Variants in RASGRP3 observed in about 807,000 individuals in gnomAD.
The protein encoded by RASGRP3 is RAS guanyl releasing protein 3, also known as ras guanyl-releasing protein 3.
Under a neutral mutation model 82.7 loss-of-function variants are expected in RASGRP3, and 54 were observed. The observed-to-expected ratio is 0.65, with a 90% CI of 0.52 to 0.82. RASGRP3 has a LOEUF of 0.82. Among genes scored for constraint, RASGRP3 ranks in the 40% least tolerant of loss-of-function variants. RASGRP3 has a pLI of 0.00. For missense variants in RASGRP3, 861 were observed against 828.9 expected, an observed-to-expected ratio of 1.04 and a Z score of -0.48; for synonymous variants, 309 against 300.5, an observed-to-expected ratio of 1.03 and a Z score of -0.29.
intron 1 of RASGRP3, among the ~76,000 whole-genome samples, chr2:33,500,927 C>G (rs567953382): frequency 6.6e-6 from 1 of 152,024 alleles, no homozygotes; most frequent in Admixed American, 6.5e-5. Context: ...AGCAAGACTC[C>G]GTCTCAAAAA....
chr2:33,449,082 C>A (rs184509080), intron 2 of RASGRP3, among the ~76,000 whole-genome samples: 1 of 152,278 alleles, frequency 6.6e-6, no homozygotes, highest in Admixed American at 6.5e-5. Context: ...TGATTACTCT[C>A]TGTTTGGGGC....
intron 13 of RASGRP3, among the ~76,000 whole-genome samples, chr2:33,547,670 G>GC (rs1674932528): frequency 6.6e-6 from 1 of 152,140 alleles, no homozygotes; most frequent in Non-Finnish European, 1.5e-5. Flanking sequence ...TAAGTCTTCA[G>GC]CCCCACTGTA....
intron 5 of RASGRP3, 54 bp from the exon 6 acceptor site, chr2:33,520,499 A>G: frequency 6.2e-7 from 1 of 1,605,728 alleles, no homozygotes; most frequent in Non-Finnish European, 8.5e-7. Context: ...AATCGTTTCC[A>G]TAGATAACCA....
chr2:33,465,965 T>C lies in RASGRP3; in HGVS notation c.-261+18022T>C, dbSNP rs377214074. ...TTTTAACCCCACTGTTGAGACTTAC[T>C]GCTCAAAAAAAAAAAAAAAAAGGAA... On this transcript the variant is annotated intron_variant, in intron 2 of 18. Transcript: ENST00000402538. 6.1e-4 allele frequency among the ~76,000 whole-genome samples: 58 copies of C among 94,340 alleles called. No individual in the cohort carries two copies. The South Asian group carries it at 8.0e-3, about 13-fold the overall frequency. The allele number at this position is 94,340 out of a possible 152,430, so 61.9% of individuals were successfully genotyped here.
At chr2:33,438,627 T>C (rs775624755) in intron 1 of RASGRP3, among the ~76,000 whole-genome samples, 29 of 152,130 alleles carry the variant, frequency 1.9e-4, no homozygotes, top group Admixed American at 1.2e-3. Flanking sequence ...TCTTAGAAAT[T>C]GCTTAATAGT....
intron 1 of RASGRP3, among the ~76,000 whole-genome samples, chr2:33,506,935 A>G (rs1054949636): frequency 2.6e-5 from 4 of 152,234 alleles, no homozygotes; most frequent in Non-Finnish European, 5.9e-5. Context: ...CAAGTTTGAC[A>G]GTGATGACAG....
At chr2:33,558,407 G>C in intron 16 of RASGRP3, 71 bp downstream of exon 16, 2 of 1,606,704 alleles carry the variant, frequency 1.2e-6, no homozygotes, top group Non-Finnish European at 1.7e-6. Context: ...ACCTCATTTA[G>C]GTTCTGGGTC....
intron 15 of RASGRP3, among the ~76,000 whole-genome samples, chr2:33,557,924 G>A (rs187883960): frequency 1.3e-5 from 2 of 152,214 alleles, no homozygotes; most frequent in Admixed American, 1.3e-4. Context: ...TGACCTCTCA[G>A]GCTGGACTCT....
chr2:33,490,191 A>G (rs978720529), intron 1 of RASGRP3, among the ~76,000 whole-genome samples: 1 of 151,978 alleles, frequency 6.6e-6, no homozygotes, highest in African/African-American at 2.4e-5. Context: ...TTCCTCTACT[A>G]TGTTCTCCTC....
intron 1 of RASGRP3, among the ~76,000 whole-genome samples, chr2:33,443,218 A>G (rs1275761517): frequency 6.6e-6 from 1 of 152,190 alleles, no homozygotes; most frequent in Non-Finnish European, 1.5e-5. Context: ...TTTAATAGCA[A>G]TGGGCAGGAG....
At chr2:33,443,475 C>A (rs1038428029) in intron 1 of RASGRP3, among the ~76,000 whole-genome samples, 1 of 152,136 alleles carries the variant, frequency 6.6e-6, no homozygotes, top group Admixed American at 6.5e-5. Flanking sequence ...TGGGCTGTTA[C>A]ATCACTCCAA....
At position 33,534,316 on chromosome 2, in the gene RASGRP3, GT is replaced by G; in HGVS notation, c.1084-5del. On this transcript the variant is annotated splice_region_variant and splice_polypyrimidine_tract_variant and intron_variant, in intron 10 of 17. Coordinates refer to ENST00000403687, the MANE Select transcript of RASGRP3 (RefSeq NM_001139488.2). Reference sequence around the variant, plus strand: ...CGACATTTTTATCCCTTCTAATTTTGTTGTAGCTTTCCCTGGACCTCTATCA... The same window carrying G: ...CGACATTTTTATCCCTTCTAATTTTGTGTAGCTTTCCCTGGACCTCTATCA... 6.5e-7 allele frequency: 1 copy of G among 1,541,756 alleles called. No homozygotes were observed. The highest frequency in any genetic ancestry group is 2.2e-5 in the East Asian group (1 of 44,468).
At chr2:33,504,312 C>T (rs1038342574) in intron 1 of RASGRP3, among the ~76,000 whole-genome samples, 2 of 152,196 alleles carry the variant, frequency 1.3e-5, no homozygotes, top group East Asian at 3.9e-4. Flanking sequence ...TGTGCTCCCG[C>T]AATGCCCTGG....
intron 1 of RASGRP3, among the ~76,000 whole-genome samples, chr2:33,490,285 T>C (rs1459743799): frequency 6.6e-6 from 1 of 152,228 alleles, no homozygotes; most frequent in Non-Finnish European, 1.5e-5. Flanking sequence ...TTCTCTTCAC[T>C]GCAATTCTAA....
rs201277046 is a variant in RASGRP3, at chr2:33,562,444, A to AT, written c.2065-278dup. On this transcript the variant is annotated intron_variant, in intron 17 of 17. Coordinates refer to ENST00000403687, the MANE Select transcript of RASGRP3 (RefSeq NM_001139488.2). The stretch of plus-strand genomic sequence containing the variant: ...CACCATACCCAGCTGGTTTTTATTT[A>AT]TTTTTTTGTAGAGACGGGGTCTTGC... Among the ~76,000 whole-genome samples the AT allele has an allele frequency of 2.3e-3, 345 of 150,420 alleles. 2 individuals are homozygous for AT. The highest frequency in any genetic ancestry group is 7.8e-3 in the African/African-American group (318 of 40,920).
chr2:33,522,810 G>A (rs1445967437), intron 7 of RASGRP3, among the ~76,000 whole-genome samples: 4 of 152,274 alleles, frequency 2.6e-5, no homozygotes, highest in South Asian at 2.1e-4. Context: ...ACATTATTGC[G>A]TGCAAAGAAG....
At chr2:33,480,646 T>G (rs988859359) in intron 1 of RASGRP3, among the ~76,000 whole-genome samples, 12 of 152,248 alleles carry the variant, frequency 7.9e-5, no homozygotes, top group African/African-American at 2.7e-4. Flanking sequence ...AAACACATTC[T>G]GGGATACAAT....
At chr2:33,516,497 A>G in intron 3 of RASGRP3, 45 bp from the exon 4 acceptor site, 2 of 1,321,178 alleles carry the variant, frequency 1.5e-6, no homozygotes, top group Middle Eastern at 2.0e-4. Flanking sequence ...AAAAGTAAAG[A>G]ATAGCACTAT....
intron 2 of RASGRP3, among the ~76,000 whole-genome samples, chr2:33,456,576 C>T (rs143781366): frequency 8.2e-4 from 125 of 152,210 alleles, no homozygotes; most frequent in Admixed American, 1.4e-3. Context: ...CATCTTATTC[C>T]TGTTGAAAAT....
Sources: allele counts gnomAD v4.1 joint callset (sites outside exome capture counted in the v4.1 genomes callset), GRCh38; gene constraint gnomAD v4.1.1; transcripts MANE v1.5; gene names NCBI Gene and HGNC (gene_info 2026-07-23, HGNC 2026-07-21).